Variants in CLVS1 observed in about 807,000 individuals in gnomAD.
CLVS1 encodes the protein clavesin-1.
Under a neutral mutation model 33.1 loss-of-function variants are expected in CLVS1, and 10 were observed. The observed-to-expected ratio is 0.30, with a 90% CI of 0.19 to 0.51. The LOEUF is 0.51. Among genes scored for constraint, CLVS1 ranks in the 20% least tolerant of loss-of-function variants. CLVS1 has a pLI of 0.97. For synonymous variants in CLVS1, 163 were observed against 166.1 expected (o/e 0.98, Z 0.14); for missense variants, 343 against 433.4 (o/e 0.79, Z 1.85).
chr8:61,458,263 G>A, intron 4 of CLVS1, 44 bp from the exon 5 acceptor site: 2 of 1,418,954 alleles, frequency 1.4e-6, no homozygotes, highest in South Asian at 1.2e-5. Flanking sequence ...TTGGTCGTAT[G>A]TTTTGGATTT....
the CLVS1 span, among the ~76,000 whole-genome samples, chr8:60,968,630 TA>T: frequency 6.6e-6 from 1 of 152,126 alleles, no homozygotes; most frequent in Non-Finnish European, 1.5e-5. Context: ...GGTGCACACC[TA>T]TAATCCCAGC....
rs1809831140 is a variant in CLVS1, at chr8:61,288,000, A to C, written c.-290A>C. The C allele has an allele frequency of 2.4e-6, 1 of 417,432 alleles. No individual in the cohort carries two copies. Among genetic ancestry groups the C allele is most frequent in the Non-Finnish European group, 4.8e-6 (1 of 207,476 alleles). The allele number at this position is 417,432 out of a possible 1,614,324, so 25.9% of individuals were successfully genotyped here. A position where few individuals can be genotyped will look rare whatever the true frequency, so the allele number is the denominator to read the frequency against. On this transcript the variant is annotated 5_prime_UTR_variant, in exon 1 of 6. Coordinates refer to ENST00000325897, the MANE Select transcript of CLVS1 (RefSeq NM_173519.3). ...CTACCAAAATCACAGCCCCTTGTGG[A>C]GCCCGAGCTCTCATTCACAGCTTTC...
chr8:61,291,750 G>A (rs928908298), intron 1 of CLVS1, among the ~76,000 whole-genome samples: 1 of 151,998 alleles, frequency 6.6e-6, no homozygotes, highest in African/African-American at 2.4e-5. Context: ...TATAGAGCAT[G>A]CAAACATAGT....
Position 61,299,900 on chromosome 8 carries a change from C to A in CLVS1, c.73C>A (p.His25Asn). The A allele has an allele frequency of 6.2e-7, 1 of 1,613,876 alleles. No homozygotes were observed. Among genetic ancestry groups the A allele is most frequent in the Non-Finnish European group, 8.5e-7 (1 of 1,179,912 alleles). The change falls in exon 2 of 6, where the codon CAT (histidine) becomes AAT (asparagine). Residue 25 changes from histidine to asparagine, a missense_variant. His to Asn is a moderately conservative substitution (Grantham distance 68). Transcript: ENST00000325897. Reference sequence around the variant, plus strand: ...GAACGGAGATTTGGCCAAGATGACCCATTTACAGGCTGGACTCAGTCCAGA... The same window carrying A: ...GAACGGAGATTTGGCCAAGATGACCAATTTACAGGCTGGACTCAGTCCAGA... ...TWNGDLAKMT[H>N]LQAGLSPETI... is the part of the protein sequence containing the mutation.
chr8:61,076,422 T>C (rs1351453627), intron 1 of CLVS1, among the ~76,000 whole-genome samples: 1 of 152,208 alleles, frequency 6.6e-6, no homozygotes, highest in Non-Finnish European at 1.5e-5. Flanking sequence ...CAGCACGTGT[T>C]AGCAAATGTA....
chr8:61,482,668 A>T (rs1220811280), intron 5 of CLVS1, among the ~76,000 whole-genome samples: 6 of 152,206 alleles, frequency 3.9e-5, no homozygotes, highest in Non-Finnish European at 8.8e-5. Context: ...AAAGAATAAA[A>T]AGAAATGAAC....
chr8:61,098,115 G>A (rs922827791), intron 1 of CLVS1, among the ~76,000 whole-genome samples: 8 of 152,064 alleles, frequency 5.3e-5, no homozygotes, highest in South Asian at 2.1e-4. Flanking sequence ...AGCTGTGATC[G>A]CACCACTGCA....
At chr8:61,173,093 C>T (rs1002845033) in intron 2 of CLVS1, among the ~76,000 whole-genome samples, 14 of 152,060 alleles carry the variant, frequency 9.2e-5, no homozygotes, top group African/African-American at 3.1e-4. Flanking sequence ...AGTACTTTCC[C>T]TCTACAATGG....
At chr8:61,465,125 A>ACTTTGCTTTTT (rs1479504616) in intron 5 of CLVS1, 1 of 152,304 alleles carries the variant, frequency 6.6e-6, no homozygotes, top group Non-Finnish European at 1.5e-5. Context: ...CCTTGTTAAA[A>ACTTTGCTTTTT]AGCACTTGCT....
intron 2 of CLVS1, among the ~76,000 whole-genome samples, chr8:61,153,508 A>C (rs1049290601): frequency 4.6e-5 from 7 of 152,356 alleles, no homozygotes; most frequent in Middle Eastern, 3.4e-3. Flanking sequence ...GAAGAAAATA[A>C]GAAGTGCTGC....
Position 61,419,764 on chromosome 8 carries a change from G to A in CLVS1, c.631-34377G>A, listed in dbSNP as rs116676937. 5.9e-3 allele frequency among the ~76,000 whole-genome samples: 904 copies of A among 152,256 alleles called. 11 individuals are homozygous for A. The highest frequency in any genetic ancestry group is 0.021 in the African/African-American group (861 of 41,532). ...TCTCTGTAGGCTCTCAGGCTTTCCTGGCATAGCGTCCTGATTCCAGATGCT... is the reference window on the plus strand; with the variant it reads ...TCTCTGTAGGCTCTCAGGCTTTCCTAGCATAGCGTCCTGATTCCAGATGCT... On this transcript the variant is annotated intron_variant, in intron 3 of 5. Transcript: ENST00000325897.
intron 3 of CLVS1, among the ~76,000 whole-genome samples, chr8:61,396,715 C>T (rs1255115068): frequency 1.3e-5 from 2 of 152,148 alleles, no homozygotes; most frequent in Non-Finnish European, 2.9e-5. Context: ...TACAGAGATA[C>T]AGGCAACCAC....
chr8:61,115,069 C>A (rs1349653961), intron 1 of CLVS1, among the ~76,000 whole-genome samples: 1 of 152,214 alleles, frequency 6.6e-6, no homozygotes, highest in Non-Finnish European at 1.5e-5. Context: ...ATTTTTTGAG[C>A]CATCTCTTTG....
intron 5 of CLVS1, among the ~76,000 whole-genome samples, chr8:61,468,781 A>T (rs1295508495): frequency 6.6e-6 from 1 of 151,098 alleles, no homozygotes; most frequent in Non-Finnish European, 1.5e-5. Context: ...CAGCTCATGG[A>T]CTTACCAAAT....
intron 2 of CLVS1, among the ~76,000 whole-genome samples, chr8:61,142,102 C>G (rs1806317625): frequency 2.6e-5 from 4 of 152,206 alleles, no homozygotes; most frequent in African/African-American, 7.2e-5. Context: ...TGGTTTAGCT[C>G]TGTGTCTGCA....
chr8:61,300,230 C>G lies in CLVS1; in HGVS notation c.403C>G (p.His135Asp), dbSNP rs1415103767. Residue 135 changes from histidine to aspartate, a missense_variant, in exon 2 of 6, where the codon CAT (histidine) becomes GAT (aspartate). By Grantham distance (81) the His-to-Asp change is moderately conservative. Coordinates refer to ENST00000325897, the MANE Select transcript of CLVS1 (RefSeq NM_173519.3). The part of the protein sequence containing the change: ...GFPGVLENRD[H>D]YGRKILLLFA... ...CCCCGGGGTGCTGGAAAACCGAGACCATTACGGCAGGAAGATTCTTTTGCT... is the reference window on the plus strand; with the variant it reads ...CCCCGGGGTGCTGGAAAACCGAGACGATTACGGCAGGAAGATTCTTTTGCT... 6.2e-7 allele frequency: 1 copy of G among 1,613,946 alleles called. No homozygotes were observed. Among genetic ancestry groups the G allele is most frequent in the South Asian group, 1.1e-5 (1 of 91,074 alleles).
chr8:61,399,702 G>A (rs1026342371), intron 3 of CLVS1, among the ~76,000 whole-genome samples: 11 of 152,130 alleles, frequency 7.2e-5, no homozygotes, highest in Non-Finnish European at 1.5e-4. Context: ...ATCTTGAGTT[G>A]ATTTTTGTAT....
At chr8:61,429,419 TAAAAAAA>T (rs57688988) in intron 3 of CLVS1, among the ~76,000 whole-genome samples, 1 of 73,236 alleles carries the variant, frequency 1.4e-5, no homozygotes, top group South Asian at 6.1e-4. Flanking sequence ...GACTCTGTCT[TAAAAAAA>T]AAAAAAAAAA....
the CLVS1 span, among the ~76,000 whole-genome samples, chr8:61,025,850 T>C: frequency 4.6e-5 from 7 of 152,194 alleles, no homozygotes; most frequent in African/African-American, 1.7e-4. Context: ...ATTTGTTTGG[T>C]GGTTTAAAGG....
Sources: gnomAD v4.1 joint callset for allele counts (sites outside exome capture counted in the v4.1 genomes callset) on GRCh38, gnomAD v4.1.1 for gene constraint, MANE v1.5 for transcripts, NCBI Gene and HGNC (gene_info 2026-07-23, HGNC 2026-07-21) for gene names.